PTPRK: variants seen among roughly 807,000 people sequenced by gnomAD.
PTPRK encodes the protein receptor-type tyrosine-protein phosphatase kappa.
In PTPRK, 75 loss-of-function variants were observed where a neutral mutation model predicts 178.0. The observed-to-expected ratio is 0.42, with a 90% CI of 0.35 to 0.51. The LOEUF is 0.51. Among genes scored for constraint, PTPRK ranks in the 20% least tolerant of loss-of-function variants. The probability of loss-of-function intolerance (pLI) is 0.02; values close to 1 mark genes in which losing one functional copy is unlikely to be tolerated. For missense variants in PTPRK, 1,441 were observed against 1,797.8 expected (o/e 0.80, Z 3.59); for synonymous variants, 637 against 620.6 (o/e 1.03, Z -0.39).
chr6:128,413,549 T>C (rs879934631), intron 1 of PTPRK, among the ~76,000 whole-genome samples: 1 of 152,144 alleles, frequency 6.6e-6, no homozygotes, highest in Non-Finnish European at 1.5e-5. Flanking sequence ...AGGACAGGAC[T>C]TCTGTGATAT....
chr6:128,203,938 T>C (rs1241322136), intron 6 of PTPRK, among the ~76,000 whole-genome samples: 1 of 152,158 alleles, frequency 6.6e-6, no homozygotes, highest in Non-Finnish European at 1.5e-5. Context: ...AAAATTCATA[T>C]GGAACCAAAA....
At chr6:128,241,795 T>G (rs2128284105) in intron 4 of PTPRK, among the ~76,000 whole-genome samples, 1 of 150,856 alleles carries the variant, frequency 6.6e-6, no homozygotes, top group Admixed American at 6.6e-5. Context: ...TTTTTTTTTT[T>G]TTTGAGACGG....
At chr6:128,228,502 A>C (rs2128277785) in intron 5 of PTPRK, among the ~76,000 whole-genome samples, 1 of 150,996 alleles carries the variant, frequency 6.6e-6, no homozygotes, top group Admixed American at 6.6e-5. Context: ...AAAAAAAAAA[A>C]AAAAAAATTT....
In PTPRK at chr6:128,476,858, G is replaced by A. The variant is rs556809355; in HGVS notation, c.100+43401C>T. Among the ~76,000 whole-genome samples, 7 of 151,388 alleles carry A rather than the reference G, an allele frequency of 4.6e-5. No homozygotes were observed. The South Asian group carries it at 6.3e-4, about 14-fold the overall frequency. On this transcript the variant is annotated intron_variant, in intron 1 of 29. Transcript: ENST00000368226. ...GGTCTAGATGATGACAAATTTCAAC[G>A]AGTATGGGTACTTTCTAAACTGCTT...
intron 15 of PTPRK, among the ~76,000 whole-genome samples, chr6:127,999,414 C>T (rs935965430): frequency 2.0e-5 from 3 of 152,052 alleles, no homozygotes; most frequent in Admixed American, 2.0e-4. Context: ...ACACACTCTG[C>T]ACTGGGAAAC....
rs1404775308 is a variant in PTPRK at position 128,108,067 on chromosome 6, AAAACACACACACAC to A, written c.1163-18089_1163-18076del. Among the ~76,000 whole-genome samples the A allele has an allele frequency of 5.5e-5, 7 of 126,236 alleles. No individual in the cohort carries two copies. The East Asian group carries it at 1.3e-3, about 23-fold the overall frequency. 82.8% of individuals were successfully genotyped at this position (126,236 alleles called of 152,430 possible). On this transcript the variant is annotated intron_variant, in intron 7 of 29. Coordinates refer to ENST00000368226, the MANE Select transcript of PTPRK (RefSeq NM_002844.4). ...AAAACAAACCAAATCCCTAAATAGC[AAAACACACACACAC>A]ACACACACACACACACACACACACA...
At chr6:128,307,566 T>G (rs756648806) in intron 3 of PTPRK, among the ~76,000 whole-genome samples, 1 of 151,794 alleles carries the variant, frequency 6.6e-6, no homozygotes, top group Non-Finnish European at 1.5e-5. Context: ...CAAGCATGTA[T>G]TATTGTCAAA....
intron 13 of PTPRK, among the ~76,000 whole-genome samples, chr6:128,033,025 C>T (rs1465861389): frequency 6.6e-6 from 1 of 152,102 alleles, no homozygotes; most frequent in Admixed American, 6.6e-5. Context: ...GTTTTTATGT[C>T]TGAATAGCTG....
chr6:128,303,233 C>T (rs951021582), intron 3 of PTPRK, among the ~76,000 whole-genome samples: 11 of 152,180 alleles, frequency 7.2e-5, no homozygotes, highest in Non-Finnish European at 1.5e-4. Context: ...TGCAGGCTAA[C>T]TCCAGTTCTG....
chr6:128,008,831 C>T (rs761304134), intron 14 of PTPRK, among the ~76,000 whole-genome samples: 2 of 151,024 alleles, frequency 1.3e-5, no homozygotes, highest in African/African-American at 2.4e-5. Flanking sequence ...AATAATAACA[C>T]TTCAAATATA....
intron 7 of PTPRK, among the ~76,000 whole-genome samples, chr6:128,147,105 T>G (rs1053713018): frequency 1.5e-4 from 23 of 152,178 alleles, no homozygotes; most frequent in Non-Finnish European, 2.6e-4. Flanking sequence ...TGCATTCATT[T>G]CTAACTGTGT....
intron 7 of PTPRK, among the ~76,000 whole-genome samples, chr6:128,100,683 A>C (rs934508496): frequency 6.6e-6 from 1 of 151,974 alleles, no homozygotes; most frequent in Non-Finnish European, 1.5e-5. Context: ...ATATATGAAG[A>C]CACATAGAAT....
chr6:128,433,718 T>C (rs1314770018), intron 1 of PTPRK, among the ~76,000 whole-genome samples: 2 of 151,988 alleles, frequency 1.3e-5, no homozygotes, highest in Admixed American at 6.6e-5. Flanking sequence ...GGTTTCGCCA[T>C]GTTGCCCAGG....
intron 1 of PTPRK, among the ~76,000 whole-genome samples, chr6:128,449,980 C>T (rs1268727909): frequency 2.0e-5 from 3 of 150,866 alleles, no homozygotes; most frequent in East Asian, 1.9e-4. Context: ...TAATGGCACA[C>T]GCCTGTTATT....
chr6:128,286,943 T>C (rs940682605), intron 3 of PTPRK, among the ~76,000 whole-genome samples: 3 of 152,154 alleles, frequency 2.0e-5, no homozygotes, highest in Admixed American at 6.6e-5. Flanking sequence ...AGTTCCCAGA[T>C]CTGGGTGAAT....
At chr6:128,271,857 A>C (rs971921196) in intron 3 of PTPRK, among the ~76,000 whole-genome samples, 1 of 151,982 alleles carries the variant, frequency 6.6e-6, no homozygotes, top group Non-Finnish European at 1.5e-5. Flanking sequence ...AGTTTTACTT[A>C]AAATTAACAT....
In PTPRK at chr6:128,053,217, C is replaced by A. The variant is rs531182302; in HGVS notation, c.2194+11541G>T. Among the ~76,000 whole-genome samples, 394 of 146,480 alleles carry A rather than the reference C, an allele frequency of 2.7e-3. 2 individuals are homozygous for A. The highest frequency in any genetic ancestry group is 9.8e-3 in the African/African-American group (359 of 36,676). ...ACACAGTTTCACCTGTGTTTTTTAACTTTCTCCCTGCACCCCCACACCCTG... is the reference window on the plus strand; with the variant it reads ...ACACAGTTTCACCTGTGTTTTTTAAATTTCTCCCTGCACCCCCACACCCTG... On this transcript the variant is annotated intron_variant, in intron 13 of 29. Transcript: ENST00000368226.
At chr6:128,463,007 A>T (rs1849280791) in intron 1 of PTPRK, among the ~76,000 whole-genome samples, 2 of 152,152 alleles carry the variant, frequency 1.3e-5, no homozygotes, top group Non-Finnish European at 2.9e-5. Flanking sequence ...TTAGTCCCAC[A>T]TCTAGCTACA....
At chr6:127,989,582 A>T (rs1220583614) in intron 21 of PTPRK, among the ~76,000 whole-genome samples, 1 of 152,078 alleles carries the variant, frequency 6.6e-6, no homozygotes, top group African/African-American at 2.4e-5. Flanking sequence ...CAAAGGACAT[A>T]AACATTTTAA....
Sources: gnomAD v4.1 joint callset for allele counts (sites outside exome capture counted in the v4.1 genomes callset) on GRCh38, gnomAD v4.1.1 for gene constraint, MANE v1.5 for transcripts, NCBI Gene and HGNC (gene_info 2026-07-23, HGNC 2026-07-21) for gene names.